BICC1: variants seen among roughly 807,000 people sequenced by gnomAD.
BICC1 encodes the protein protein bicaudal C homolog 1.
In BICC1, 43 loss-of-function variants were observed where a neutral mutation model predicts 111.0. The ratio of observed to expected loss-of-function variants is 0.39; its 90% confidence interval spans 0.30 to 0.50. BICC1 has a LOEUF of 0.50. Among genes scored for constraint, BICC1 ranks in the 20% least tolerant of loss-of-function variants. BICC1 has a pLI of 0.88. For synonymous variants in BICC1, 467 were observed against 434.4 expected (o/e 1.07, Z -0.93); for missense variants, 1,091 against 1,203.2 (o/e 0.91, Z 1.38).
At chr10:58,583,480 A>G (rs1340845535) in intron 1 of BICC1, among the ~76,000 whole-genome samples, 1 of 150,890 alleles carries the variant, frequency 6.6e-6, no homozygotes, top group South Asian at 2.1e-4. Context: ...GTTTTTTTCC[A>G]TTCTTGAGTT....
chr10:58,573,816 T>C (rs1420962743), intron 1 of BICC1, among the ~76,000 whole-genome samples: 2 of 138,650 alleles, frequency 1.4e-5, no homozygotes, highest in Non-Finnish European at 3.2e-5. Flanking sequence ...TTCTTCAGCA[T>C]CAAAGTCCTA....
chr10:58,785,877 A>G (rs1442093075), intron 4 of BICC1, among the ~76,000 whole-genome samples: 1 of 151,974 alleles, frequency 6.6e-6, no homozygotes. Flanking sequence ...CATTAGAATG[A>G]TCTCCCTCTG....
chr10:58,694,333 T>C (rs977948021), intron 2 of BICC1, among the ~76,000 whole-genome samples: 5 of 152,218 alleles, frequency 3.3e-5, no homozygotes, highest in African/African-American at 1.2e-4. Flanking sequence ...ATAACAGCCA[T>C]GTCGTGAGCA....
At chr10:58,727,593 A>G (rs1345529413) in intron 3 of BICC1, among the ~76,000 whole-genome samples, 1 of 151,882 alleles carries the variant, frequency 6.6e-6, no homozygotes, top group Non-Finnish European at 1.5e-5. Context: ...TCTCAACAAC[A>G]AAAAAAAGGT....
rs143065108 is a variant in BICC1 at position 58,701,391 on chromosome 10, G to A, written c.238-683G>A. ...CTTTTCTTATTTACCGTCCATTTCCGTTGCTGGGCAGTCGTTGCTTCCCTC... is the reference window on the plus strand; with the variant it reads ...CTTTTCTTATTTACCGTCCATTTCCATTGCTGGGCAGTCGTTGCTTCCCTC... On this transcript the variant is annotated intron_variant, in intron 2 of 20. Transcript: ENST00000373886. 8.6e-3 allele frequency among the ~76,000 whole-genome samples: 1,316 copies of A among 152,180 alleles called. 15 individuals carry two copies. The highest frequency in any genetic ancestry group is 0.031 in the African/African-American group (1,268 of 41,532).
intron 2 of BICC1, among the ~76,000 whole-genome samples, chr10:58,661,524 C>T (rs1838845464): frequency 1.3e-5 from 2 of 152,018 alleles, no homozygotes; most frequent in Non-Finnish European, 2.9e-5. Context: ...TGATCTAAGA[C>T]CTTTCATCTG....
intron 3 of BICC1, among the ~76,000 whole-genome samples, chr10:58,774,080 A>G (rs1463219646): frequency 6.6e-6 from 1 of 152,026 alleles, no homozygotes; most frequent in African/African-American, 2.4e-5. Context: ...GGCCTTCACT[A>G]ACTATTTGCC....
Position 58,773,232 on chromosome 10 carries a change from G to A in BICC1, c.308-11769G>A, listed in dbSNP as rs187307052. On this transcript the variant is annotated intron_variant, in intron 3 of 20. Transcript: ENST00000373886. ...TTATTTTTAACCTATCTAACGTATG[G>A]AGTTGACCCCCTAAAAGTTAGTGCT... is the stretch of plus-strand genomic sequence containing the variant. Among the ~76,000 whole-genome samples the A allele has an allele frequency of 8.7e-4, 132 of 152,250 alleles. 1 individual carries two copies. The highest frequency in any genetic ancestry group is 6.8e-3 in the Middle Eastern group (2 of 294).
chr10:58,574,365 C>T (rs975855523), intron 1 of BICC1, among the ~76,000 whole-genome samples: 18 of 152,082 alleles, frequency 1.2e-4, no homozygotes, highest in African/African-American at 3.6e-4. Flanking sequence ...ACCCAGGACA[C>T]GTGGCTACCA....
chr10:58,741,637 GAGAGGTCTTATA>G (rs1278407842), intron 3 of BICC1, among the ~76,000 whole-genome samples: 1 of 152,128 alleles, frequency 6.6e-6, no homozygotes, highest in Non-Finnish European at 1.5e-5. Flanking sequence ...CTCATGTTGA[GAGAGGTCTTATA>G]TCTTTGCATT....
chr10:58,798,980 A>G lies in BICC1; in HGVS notation c.1529-76A>G, dbSNP rs148327416. On this transcript the variant is annotated intron_variant, in intron 11 of 20. Coordinates refer to ENST00000373886, the MANE Select transcript of BICC1 (RefSeq NM_001080512.3). ...CTGAACTTGCAGCAACAAAAATGAT[A>G]TTTTTATTGTTAATAAAAATAATAG... 2,286 of 1,155,638 alleles carry G rather than the reference A, an allele frequency of 2.0e-3. 6 individuals are homozygous for G. The highest frequency in any genetic ancestry group is 2.5e-3 in the Non-Finnish European group (2,066 of 833,418). 71.6% of individuals were successfully genotyped at this position (1,155,638 alleles called of 1,614,324 possible).
At chr10:58,689,776 G>A (rs1325899768) in intron 2 of BICC1, among the ~76,000 whole-genome samples, 1 of 152,182 alleles carries the variant, frequency 6.6e-6, no homozygotes, top group Non-Finnish European at 1.5e-5. Flanking sequence ...TGTAAGCTGA[G>A]TACTGACACT....
chr10:58,769,913 C>G (rs1477701925), intron 3 of BICC1, among the ~76,000 whole-genome samples: 1 of 152,032 alleles, frequency 6.6e-6, no homozygotes, highest in East Asian at 1.9e-4. Context: ...GACTTTCGTA[C>G]TGATTAGCAT....
chr10:58,738,145 A>C (rs1205543803), intron 3 of BICC1, among the ~76,000 whole-genome samples: 2 of 152,176 alleles, frequency 1.3e-5, no homozygotes, highest in East Asian at 3.9e-4. Flanking sequence ...TTGGTGTTTT[A>C]GACATGAAGT....
chr10:58,588,204 T>G (rs1314920079), intron 1 of BICC1, among the ~76,000 whole-genome samples: 1 of 152,220 alleles, frequency 6.6e-6, no homozygotes, highest in South Asian at 2.1e-4. Flanking sequence ...CCCTGCCCCT[T>G]TTATTTACAG....
At chr10:58,788,702 A>T (rs1239889470) in intron 6 of BICC1, among the ~76,000 whole-genome samples, 1 of 152,118 alleles carries the variant, frequency 6.6e-6, no homozygotes, top group African/African-American at 2.4e-5. Flanking sequence ...TCTAGTTTTT[A>T]TTCAATGATC....
intron 2 of BICC1, among the ~76,000 whole-genome samples, chr10:58,640,200 T>C (rs1364384020): frequency 2.0e-5 from 3 of 152,230 alleles, no homozygotes; most frequent in Non-Finnish European, 4.4e-5. Flanking sequence ...ATCCACACTG[T>C]AGTTTTGTTC....
rs769572497 is a variant in BICC1, at chr10:58,796,356, G to C, written c.1196G>C (p.Ser399Thr). The C allele has an allele frequency of 1.2e-6, 2 of 1,613,672 alleles. No homozygotes were observed. The highest frequency in any genetic ancestry group is 1.1e-5 in the South Asian group (1 of 91,046). ...KQPSKSVIVK[S>T]VERNALNMYE... is the part of the protein sequence containing the mutation. ...TTTTCATAGTCTGTGATTGTGAAAA[G>C]TGTTGAGCGAAATGCCTTAAATATG... Residue 399 changes from serine (S) to threonine (T), a missense_variant, in exon 10 of 21, where the codon AGT becomes ACT. This residue lies in a region of BICC1 where 843 missense variants were observed against 900.8 expected (regional missense o/e 0.94). Transcript: ENST00000373886.
intron 3 of BICC1, among the ~76,000 whole-genome samples, chr10:58,772,905 A>G (rs1414075800): frequency 6.6e-6 from 1 of 152,246 alleles, no homozygotes; most frequent in Non-Finnish European, 1.5e-5. Context: ...GTTGTATGGA[A>G]GCCAAGAAAA....
Sources: allele counts gnomAD v4.1 joint callset (sites outside exome capture counted in the v4.1 genomes callset), GRCh38; gene constraint gnomAD v4.1.1; regional missense constraint gnomAD v4.1.1; transcripts MANE v1.5; gene names NCBI Gene and HGNC (gene_info 2026-07-23, HGNC 2026-07-21).